Variants in DGKB observed in about 807,000 individuals in gnomAD.
DGKB encodes the protein diacylglycerol kinase beta.
DGKB carries 67 observed loss-of-function variants against 114.3 expected under a neutral mutation model. That is an observed-to-expected ratio of 0.59 (90% CI 0.48 to 0.72). DGKB has a LOEUF of 0.72. DGKB is among the 30% of genes least tolerant of loss of function. The pLI is 0.00. For synonymous variants in DGKB, 398 were observed against 323.1 expected (o/e 1.23, Z -2.49); for missense variants, 907 against 975.2 (o/e 0.93, Z 0.93).
intron 4 of DGKB, among the ~76,000 whole-genome samples, chr7:14,744,460 G>A (rs1305360293): frequency 6.6e-6 from 1 of 152,098 alleles, no homozygotes; most frequent in Admixed American, 6.6e-5. Flanking sequence ...AATCTGTAAT[G>A]AGTAAAGAAT....
At chr7:14,734,927 C>A (rs948093990) in intron 5 of DGKB, among the ~76,000 whole-genome samples, 1 of 151,602 alleles carries the variant, frequency 6.6e-6, no homozygotes, top group Non-Finnish European at 1.5e-5. Context: ...TAGAGAGAGA[C>A]GAGAAGGCAC....
chr7:14,670,009 C>G (rs1818682316), intron 13 of DGKB, among the ~76,000 whole-genome samples: 2 of 152,098 alleles, frequency 1.3e-5, no homozygotes, highest in Admixed American at 6.6e-5. Context: ...ACAAAATCCA[C>G]TGTTCTATGT....
At chr7:14,313,926 C>T (rs1431994110) in intron 23 of DGKB, among the ~76,000 whole-genome samples, 4 of 152,198 alleles carry the variant, frequency 2.6e-5, no homozygotes, top group Admixed American at 6.5e-5. Context: ...AGTGCGCAGC[C>T]AGAGATCTGA....
chr7:14,803,914 C>A (rs1180230022), intron 2 of DGKB, among the ~76,000 whole-genome samples: 1 of 151,998 alleles, frequency 6.6e-6, no homozygotes, highest in East Asian at 1.9e-4. Context: ...ATGCTTTATT[C>A]AAAAATGAAC....
At chr7:14,265,940 G>A (rs964235372) in intron 23 of DGKB, among the ~76,000 whole-genome samples, 2 of 152,118 alleles carry the variant, frequency 1.3e-5, no homozygotes, top group Non-Finnish European at 2.9e-5. Context: ...TACTGCAAGG[G>A]GGTTATATAG....
intron 13 of DGKB, among the ~76,000 whole-genome samples, chr7:14,652,031 T>A (rs546948538): frequency 1.6e-5 from 2 of 127,300 alleles, no homozygotes; most frequent in African/African-American, 6.0e-5. Context: ...CATTCCATGC[T>A]CATGGGTAGG....
chr7:14,644,254 C>G (rs6953418), intron 13 of DGKB, among the ~76,000 whole-genome samples: 119,697 of 152,160 alleles, frequency 0.79, 47,415 homozygotes, highest in African/African-American at 0.87. Context: ...TCAGAAAATT[C>G]AAAGAAGTGA....
At chr7:14,833,454 GT>G in intron 2 of DGKB, among the ~76,000 whole-genome samples, 1 of 152,074 alleles carries the variant, frequency 6.6e-6, no homozygotes, top group East Asian at 1.9e-4. Context: ...TAATAAATAG[GT>G]TCTTAATCAT....
chr7:14,513,506 T>C (rs757044619), intron 20 of DGKB, among the ~76,000 whole-genome samples: 2 of 152,026 alleles, frequency 1.3e-5, no homozygotes, highest in Non-Finnish European at 2.9e-5. Flanking sequence ...AACAGTCTCA[T>C]TCTGGGAGCA....
intron 21 of DGKB, among the ~76,000 whole-genome samples, chr7:14,417,018 C>T (rs1825819618): frequency 6.6e-6 from 1 of 152,040 alleles, no homozygotes; most frequent in Non-Finnish European, 1.5e-5. Context: ...AGTTACTGTA[C>T]ATGTTCTTGA....
intron 20 of DGKB, among the ~76,000 whole-genome samples, chr7:14,503,264 A>G (rs10251573): frequency 0.18 from 27,887 of 152,018 alleles, 3,654 homozygotes; most frequent in East Asian, 0.55. Flanking sequence ...ACAGTTTGGT[A>G]AGACGTTATT....
intron 13 of DGKB, among the ~76,000 whole-genome samples, chr7:14,650,952 A>G (rs918347177): frequency 1.3e-5 from 2 of 152,164 alleles, no homozygotes; most frequent in Non-Finnish European, 2.9e-5. Context: ...ACCAGGAAGA[A>G]GTTGAATCTC....
At chr7:14,304,089 T>TCA (rs1554339406) in intron 23 of DGKB, among the ~76,000 whole-genome samples, 1,450 of 37,350 alleles carry the variant, frequency 0.039, 42 homozygotes, top group African/African-American at 0.1. Context: ...ACACACACAC[T>TCA]CTCTCTCTCT....
chr7:14,638,018 C>T (rs1418463050), intron 13 of DGKB, among the ~76,000 whole-genome samples: 1 of 151,960 alleles, frequency 6.6e-6, no homozygotes, highest in African/African-American at 2.4e-5. Context: ...TTATATTTTA[C>T]ATGGAAAACT....
chr7:14,592,465 C>T (rs1050202277), intron 17 of DGKB, among the ~76,000 whole-genome samples: 11 of 151,882 alleles, frequency 7.2e-5, no homozygotes, highest in Middle Eastern at 6.3e-3. Context: ...CTATATTATT[C>T]TTAAAGTTAC....
intron 23 of DGKB, among the ~76,000 whole-genome samples, chr7:14,336,683 GGTTT>G (rs1392583865): frequency 2.0e-5 from 3 of 152,216 alleles, no homozygotes; most frequent in Non-Finnish European, 4.4e-5. Context: ...ATTTGAGTCT[GGTTT>G]GTTTGTAGTT....
At chr7:14,608,334 A>G (rs1804895844) in intron 16 of DGKB, among the ~76,000 whole-genome samples, 1 of 152,080 alleles carries the variant, frequency 6.6e-6, no homozygotes, top group South Asian at 2.1e-4. Flanking sequence ...TAAAAGCCAA[A>G]TCCATATAAT....
chr7:14,321,808 C>T (rs954854357), intron 23 of DGKB, among the ~76,000 whole-genome samples: 1 of 151,972 alleles, frequency 6.6e-6, no homozygotes, highest in African/African-American at 2.4e-5. Context: ...TTTAGAATAG[C>T]ACTGTTAAAC....
chr7:14,415,120 A>T (rs943928662), intron 21 of DGKB, among the ~76,000 whole-genome samples: 4 of 151,884 alleles, frequency 2.6e-5, no homozygotes, highest in Non-Finnish European at 5.9e-5. Context: ...TATAATACAT[A>T]TTATATAAAG....
Sources: allele counts gnomAD v4.1 joint callset (sites outside exome capture counted in the v4.1 genomes callset), GRCh38; gene constraint gnomAD v4.1.1; transcripts MANE v1.5; gene names NCBI Gene and HGNC (gene_info 2026-07-23, HGNC 2026-07-21).